Variants in DSG4 observed in about 807,000 individuals in gnomAD.
DSG4 encodes desmoglein 4, also known as desmoglein-4.
In DSG4, 87 loss-of-function variants were observed where a neutral mutation model predicts 93.1. That is an observed-to-expected ratio of 0.93 (90% CI 0.79 to 1.12). DSG4 has a LOEUF of 1.12. Among genes scored for constraint, DSG4 ranks in the 50% most tolerant of loss-of-function variants. DSG4 has a pLI of 0.00. For synonymous variants in DSG4, 432 were observed against 452.9 expected (o/e 0.95, Z 0.59); for missense variants, 1,373 against 1,285.7 (o/e 1.07, Z -1.04).
chr18:31,407,421 G>T (rs2144211618), intron 12 of DSG4, among the ~76,000 whole-genome samples: 1 of 152,282 alleles, frequency 6.6e-6, no homozygotes, highest in Non-Finnish European at 1.5e-5. Context: ...GAAGTGGAAA[G>T]ATCACCAAAC....
intron 13 of DSG4, 67 bp from the exon 14 acceptor site, chr18:31,409,678 A>G: frequency 6.2e-7 from 1 of 1,613,778 alleles, no homozygotes. Context: ...ACAAAAATGA[A>G]CAGATGTCAG....
chr18:31,395,325 A>C (rs1299542526), intron 8 of DSG4, among the ~76,000 whole-genome samples: 1 of 151,992 alleles, frequency 6.6e-6, no homozygotes, highest in Admixed American at 6.6e-5. Flanking sequence ...TTGTCAAGGT[A>C]ATTTGGATGC....
intron 9 of DSG4, 61 bp downstream of exon 9, chr18:31,399,604 C>T (rs558207248): frequency 1.8e-4 from 293 of 1,602,124 alleles, no homozygotes; most frequent in Middle Eastern, 3.3e-4. Context: ...ATGTAGCATG[C>T]GCTAATATAT....
chr18:31,400,030 G>A (rs2072348048), intron 9 of DSG4, among the ~76,000 whole-genome samples: 1 of 152,186 alleles, frequency 6.6e-6, no homozygotes, highest in Admixed American at 6.5e-5. Flanking sequence ...TAGGCATAGG[G>A]AGAGTCAGAA....
chr18:31,399,526 C>T lies in DSG4; in HGVS notation c.1260C>T (p.Asn420=), dbSNP rs1388198204. 1 of 1,613,968 alleles carries T rather than the reference C, an allele frequency of 6.2e-7. No individual in the cohort carries two copies. Among genetic ancestry groups the T allele is most frequent in the Admixed American group, 1.7e-5 (1 of 60,012 alleles). Residue 420 remains asparagine, a synonymous_variant, in exon 9 of 16, where the codon AAC becomes AAT. Coordinates refer to ENST00000308128, the MANE Select transcript of DSG4 (RefSeq NM_177986.5). ...TYTAIDLDTG[N]PATDVRYIIG... ...CAGCCATAGATTTGGACACAGGAAA[C>T]CCTGCAACAGATGTCAGGTACTGCA...
At chr18:31,386,176 T>G (rs1341759572) in intron 2 of DSG4, among the ~76,000 whole-genome samples, 3 of 152,156 alleles carry the variant, frequency 2.0e-5, no homozygotes, top group Non-Finnish European at 4.4e-5. Context: ...AAAAATATAC[T>G]TGGGTGCTTA....
intron 3 of DSG4, 138 bp downstream of exon 3, chr18:31,386,957 C>A: frequency 2.1e-6 from 3 of 1,397,156 alleles, no homozygotes; most frequent in Non-Finnish European, 3.0e-6. Context: ...GTTGCTGAGC[C>A]ACTGATTTGA....
intron 11 of DSG4, among the ~76,000 whole-genome samples, chr18:31,403,864 G>A (rs994469180): frequency 2.0e-5 from 3 of 152,136 alleles, no homozygotes; most frequent in Non-Finnish European, 4.4e-5. Context: ...ACAAATAGTA[G>A]TGGATAAATA....
intron 1 of DSG4, among the ~76,000 whole-genome samples, chr18:31,379,484 T>C (rs2072112009): frequency 6.6e-6 from 1 of 152,198 alleles, no homozygotes; most frequent in African/African-American, 2.4e-5. Flanking sequence ...AAGGAATCAC[T>C]TACGGCAGGA....
At chr18:31,407,051 C>T (rs1315814806) in intron 12 of DSG4, among the ~76,000 whole-genome samples, 1 of 152,078 alleles carries the variant, frequency 6.6e-6, no homozygotes, top group African/African-American at 2.4e-5. Context: ...GCTGGGATTA[C>T]AGGCATGAGC....
chr18:31,380,033 A>C (rs1013860457), intron 1 of DSG4, among the ~76,000 whole-genome samples: 4 of 152,166 alleles, frequency 2.6e-5, no homozygotes, highest in African/African-American at 9.7e-5. Context: ...GGAATTACTA[A>C]ATGTATTTTA....
intron 9 of DSG4, among the ~76,000 whole-genome samples, chr18:31,399,865 C>G (rs149684660): frequency 1.3e-5 from 2 of 152,196 alleles, no homozygotes; most frequent in Non-Finnish European, 2.9e-5. Flanking sequence ...GCTGATTAAG[C>G]CATATTGTGG....
chr18:31,379,548 G>C (rs1197454835), intron 1 of DSG4, among the ~76,000 whole-genome samples: 1 of 152,132 alleles, frequency 6.6e-6, no homozygotes, highest in Non-Finnish European at 1.5e-5. Context: ...GGTCATAAAA[G>C]ACAACCATTT....
chr18:31,399,226 G>T (rs1447528189), intron 8 of DSG4, 46 bp from the exon 9 acceptor site: 1 of 1,610,944 alleles, frequency 6.2e-7, no homozygotes, highest in East Asian at 2.2e-5. Context: ...TTTATCGAAA[G>T]AGAGTTCTTT....
chr18:31,411,501 T>C (rs977604297), intron 15 of DSG4, 53 bp downstream of exon 15: 5 of 1,585,664 alleles, frequency 3.2e-6, no homozygotes, highest in African/African-American at 1.3e-5. Context: ...ATAATAATAA[T>C]AGTAAAATAC....
chr18:31,377,625 G>A (rs1707342571), intron 1 of DSG4, among the ~76,000 whole-genome samples: 1 of 152,126 alleles, frequency 6.6e-6, no homozygotes, highest in South Asian at 2.1e-4. Flanking sequence ...TAACCTTTGG[G>A]TGCCCAAGGT....
chr18:31,398,738 G>A (rs550971924), intron 8 of DSG4, among the ~76,000 whole-genome samples: 24 of 151,906 alleles, frequency 1.6e-4, no homozygotes, highest in Non-Finnish European at 3.4e-4. Flanking sequence ...CTGTCCACCA[G>A]ACCCGGCGAC....
Position 31,386,688 on chromosome 18 carries a change from G to T in DSG4, c.85G>T (p.Val29Leu). Residue 29 changes from valine to leucine, a missense_variant and splice_region_variant, in exon 3 of 16, where the codon GTG becomes TTG. Val to Leu is a conservative substitution (Grantham distance 32). Coordinates refer to ENST00000308128, the MANE Select transcript of DSG4 (RefSeq NM_177986.5). The stretch of plus-strand genomic sequence containing the variant: ...GACACCTGAACCATTTTTGCTTAAG[G>T]TGAAGGAATTTGACATTGAAAATGG... ...MEVNSEFIVE[V>L]KEFDIENGTT... 6.2e-7 allele frequency: 1 copy of T among 1,612,916 alleles called. No individual in the cohort carries two copies.
At chr18:31,390,494 T>A (rs187840215) in intron 5 of DSG4, among the ~76,000 whole-genome samples, 162 bp from the exon 6 acceptor site, 8 of 152,252 alleles carry the variant, frequency 5.3e-5, no homozygotes, top group Non-Finnish European at 1.0e-4. Context: ...ACATTTTTTT[T>A]AATCACTGGT....
Sources: gnomAD v4.1 joint callset for allele counts (sites outside exome capture counted in the v4.1 genomes callset) on GRCh38, gnomAD v4.1.1 for gene constraint, MANE v1.5 for transcripts, NCBI Gene and HGNC (gene_info 2026-07-23, HGNC 2026-07-21) for gene names.